Variants in GALNT13 observed in about 807,000 individuals in gnomAD.
GALNT13 encodes UDP-GalNAc:polypeptide N-acetylgalactosaminyltransferase 13.
A neutral mutation model predicts 64.2 loss-of-function variants in GALNT13; 28 were observed. That is an observed-to-expected ratio of 0.44 (90% CI 0.32 to 0.60). The LOEUF is 0.60. GALNT13 is among the 20% of genes least tolerant of loss of function. The pLI is 0.05. For missense variants in GALNT13, 577 were observed against 669.8 expected (o/e 0.86, Z 1.53); for synonymous variants, 214 against 224.6 (o/e 0.95, Z 0.42).
chr2:153,436,200 C>T, the GALNT13 span, among the ~76,000 whole-genome samples: 2 of 152,140 alleles, frequency 1.3e-5, no homozygotes, highest in South Asian at 4.1e-4. Flanking sequence ...GGTAGATAAG[C>T]TTTTTGATGT....
chr2:154,161,264 A>G (rs890926797), intron 4 of GALNT13, among the ~76,000 whole-genome samples: 2 of 152,254 alleles, frequency 1.3e-5, no homozygotes, highest in African/African-American at 4.8e-5. Context: ...ATTGTCTAAT[A>G]AATGCATTCT....
intron 4 of GALNT13, among the ~76,000 whole-genome samples, chr2:154,189,087 T>G (rs979308127): frequency 1.3e-5 from 2 of 152,198 alleles, no homozygotes; most frequent in Non-Finnish European, 2.9e-5. Context: ...GGAACTAAGA[T>G]AATTAAAAAG....
the GALNT13 span, among the ~76,000 whole-genome samples, chr2:153,190,575 G>T: frequency 1.3e-5 from 2 of 151,520 alleles, no homozygotes; most frequent in African/African-American, 4.8e-5. Context: ...GTTCTTTTTT[G>T]GTTTCATACA....
chr2:153,762,958 A>C, the GALNT13 span, among the ~76,000 whole-genome samples: 1 of 151,898 alleles, frequency 6.6e-6, no homozygotes, highest in African/African-American at 2.4e-5. Flanking sequence ...CTTATAACAA[A>C]CTATTTTAAG....
chr2:153,253,716 A>C, the GALNT13 span, among the ~76,000 whole-genome samples: 1 of 150,656 alleles, frequency 6.6e-6, no homozygotes, highest in Admixed American at 6.6e-5. Flanking sequence ...TTCTGCATCT[A>C]TTGAGATAAT....
the GALNT13 span, among the ~76,000 whole-genome samples, chr2:153,668,752 G>A: frequency 1.3e-5 from 2 of 151,998 alleles, no homozygotes; most frequent in Non-Finnish European, 2.9e-5. Flanking sequence ...CCTGGCAGCA[G>A]TGCACCCTAG....
the GALNT13 span, among the ~76,000 whole-genome samples, chr2:153,811,753 T>C: frequency 2.0e-5 from 3 of 152,188 alleles, no homozygotes; most frequent in African/African-American, 4.8e-5. Context: ...TGTCTTAATA[T>C]ATGCAGAATG....
chr2:153,073,581 T>G, the GALNT13 span, among the ~76,000 whole-genome samples: 1 of 152,126 alleles, frequency 6.6e-6, no homozygotes, highest in Non-Finnish European at 1.5e-5. Context: ...TCAGCTTAAT[T>G]TGAAGAAAAT....
the GALNT13 span, among the ~76,000 whole-genome samples, chr2:153,628,054 C>T: frequency 9.2e-5 from 14 of 152,008 alleles, no homozygotes; most frequent in Non-Finnish European, 5.9e-5. Context: ...CTCCTTGAAG[C>T]GGTCCTTCAC....
At chr2:153,148,107 TAAAAG>T in the GALNT13 span, among the ~76,000 whole-genome samples, 1 of 151,896 alleles carries the variant, frequency 6.6e-6, no homozygotes, top group Non-Finnish European at 1.5e-5. Flanking sequence ...GGAACTCTAA[TAAAAG>T]AAAAGCCGCT....
chr2:153,306,431 T>A, the GALNT13 span, among the ~76,000 whole-genome samples: 1 of 152,234 alleles, frequency 6.6e-6, no homozygotes, highest in Non-Finnish European at 1.5e-5. Context: ...CAGTTTTTAA[T>A]CATATGACAA....
At chr2:153,152,252 G>A in the GALNT13 span, among the ~76,000 whole-genome samples, 1 of 151,894 alleles carries the variant, frequency 6.6e-6, no homozygotes, top group Admixed American at 6.6e-5. Flanking sequence ...ATCTCATGAA[G>A]GAAAACAACT....
the GALNT13 span, among the ~76,000 whole-genome samples, chr2:153,091,040 C>T: frequency 1.6e-4 from 25 of 152,226 alleles, no homozygotes; most frequent in South Asian, 6.2e-4. Flanking sequence ...GACCTTGACC[C>T]TCCCTGTCTG....
At chr2:153,625,371 C>G in the GALNT13 span, among the ~76,000 whole-genome samples, 3 of 152,092 alleles carry the variant, frequency 2.0e-5, no homozygotes, top group African/African-American at 7.2e-5. Flanking sequence ...TACAAACAAA[C>G]ACTTCTTTGA....
At chr2:153,289,876 G>A in the GALNT13 span, among the ~76,000 whole-genome samples, 7 of 152,154 alleles carry the variant, frequency 4.6e-5, no homozygotes, top group East Asian at 1.2e-3. Flanking sequence ...ATTTTCACAT[G>A]TTTTCTTATA....
In GALNT13 at chr2:153,979,259, C is replaced by G. The variant is rs572789296; in HGVS notation, c.142+34620C>G. Reference sequence around the variant, plus strand: ...TTGTACTTTGAGGATGGTTGTTTTTCATAAATCTTAGTGATTCAGCTAGCC... The same window carrying G: ...TTGTACTTTGAGGATGGTTGTTTTTGATAAATCTTAGTGATTCAGCTAGCC... On this transcript the variant is annotated intron_variant, in intron 3 of 12. Coordinates refer to ENST00000392825, the MANE Select transcript of GALNT13 (RefSeq NM_052917.4). 2.0e-5 allele frequency among the ~76,000 whole-genome samples: 3 copies of G among 152,202 alleles called. No individual in the cohort carries two copies. In the South Asian group the frequency reaches 6.2e-4, roughly 32 times the overall value.
At chr2:154,245,104 A>AAAATAAATAAATAAATAAAT (rs61010587) in intron 6 of GALNT13, among the ~76,000 whole-genome samples, 10 of 137,832 alleles carry the variant, frequency 7.3e-5, no homozygotes, top group South Asian at 2.4e-4. Flanking sequence ...AGGCTCTGTC[A>AAAATAAATAAATAAATAAAT]AAATAAATAA....
chr2:153,630,477 A>C, the GALNT13 span, among the ~76,000 whole-genome samples: 4 of 102,178 alleles, frequency 3.9e-5, no homozygotes, highest in Non-Finnish European at 7.1e-5. Flanking sequence ...GAGGGGGAAC[A>C]TCACACTCTG....
chr2:153,900,754 AT>A (rs1292427053), intron 1 of GALNT13, among the ~76,000 whole-genome samples, 181 bp from the exon 2 acceptor site: 1 of 152,102 alleles, frequency 6.6e-6, no homozygotes, highest in Non-Finnish European at 1.5e-5. Context: ...GAATATTTGC[AT>A]ATAGTTGGGA....
Sources: gnomAD v4.1 joint callset for allele counts (sites outside exome capture counted in the v4.1 genomes callset) on GRCh38, gnomAD v4.1.1 for gene constraint, MANE v1.5 for transcripts, NCBI Gene and HGNC (gene_info 2026-07-23, HGNC 2026-07-21) for gene names.